The following FAM171A1 variants were observed in gnomAD, a reference collection of about 807,000 sequenced individuals.
FAM171A1 encodes family with sequence similarity 171 member A1.
A neutral mutation model predicts 74.9 loss-of-function variants in FAM171A1; 23 were observed. The ratio of observed to expected loss-of-function variants is 0.31; its 90% CI spans 0.22 to 0.44. FAM171A1 has a LOEUF of 0.44. Among genes scored for constraint, FAM171A1 ranks in the 20% least tolerant of loss-of-function variants. The pLI is 1.00. For missense variants in FAM171A1, 1,162 were observed against 1,159.2 expected, an observed-to-expected ratio of 1.00 and a Z score of -0.03; for synonymous variants, 527 against 505.7, an observed-to-expected ratio of 1.04 and a Z score of -0.57.
chr10:15,315,765 A>AG (rs1835414736), intron 1 of FAM171A1, among the ~76,000 whole-genome samples: 1 of 152,208 alleles, frequency 6.6e-6, no homozygotes, highest in Non-Finnish European at 1.5e-5. Flanking sequence ...TCAGGCCTTA[A>AG]GAAGCTCTGA....
chr10:15,287,563 T>C (rs1835052703), intron 1 of FAM171A1, among the ~76,000 whole-genome samples: 3 of 152,010 alleles, frequency 2.0e-5, no homozygotes, highest in Admixed American at 2.0e-4. Context: ...AATTTTTGTA[T>C]TTTTAGTAGA....
intron 3 of FAM171A1, among the ~76,000 whole-genome samples, chr10:15,275,107 T>C (rs1296544534): frequency 2.0e-5 from 3 of 151,622 alleles, no homozygotes; most frequent in African/African-American, 7.3e-5. Flanking sequence ...TGTCGTGGGG[T>C]TGGGGGAGTG....
intron 5 of FAM171A1, among the ~76,000 whole-genome samples, chr10:15,225,412 C>A (rs7921084): frequency 6.6e-6 from 1 of 151,964 alleles, no homozygotes; most frequent in Non-Finnish European, 1.5e-5. Context: ...ATGGCTAAAG[C>A]GTGACACTCT....
intron 1 of FAM171A1, among the ~76,000 whole-genome samples, chr10:15,353,020 C>G (rs1165910186): frequency 6.6e-6 from 1 of 152,228 alleles, no homozygotes; most frequent in Admixed American, 6.5e-5. Context: ...TAAAAGGGCG[C>G]TCTGTGCTCC....
intron 1 of FAM171A1, among the ~76,000 whole-genome samples, chr10:15,345,600 G>A (rs1050609045): frequency 1.3e-5 from 2 of 152,078 alleles, no homozygotes; most frequent in African/African-American, 4.8e-5. Context: ...TGGTCAGGAG[G>A]GAGGTCTGGA....
rs367691262 is a variant in FAM171A1 at position 15,213,815 on chromosome 10, G to A, written c.1773C>T (p.Pro591=). 3 of 1,614,130 alleles carry A rather than the reference G, an allele frequency of 1.9e-6. No homozygotes were observed. Among genetic ancestry groups the A allele is most frequent in the East Asian group, 2.2e-5 (1 of 44,882 alleles). The change falls in exon 8 of 8, where the codon CCC becomes CCT. Residue 591 remains proline, a synonymous_variant. Coordinates refer to ENST00000378116, the MANE Select transcript of FAM171A1 (RefSeq NM_001010924.2). The surrounding 1 kb of genome is among the most constrained non-coding windows in gnomAD (Gnocchi z 6.8). The stretch of plus-strand genomic sequence containing the variant: ...GCTGGCTGACATAGGAGTGGTCCCC[G>A]GGGAGTTTCATATAATGAGCCGGGA... ...LVIPAHYMKL[P]GDHSYVSQPL...
intron 1 of FAM171A1, among the ~76,000 whole-genome samples, chr10:15,348,038 C>G (rs1015353318): frequency 3.3e-5 from 5 of 152,040 alleles, no homozygotes; most frequent in Non-Finnish European, 7.4e-5. Flanking sequence ...AGTGCAATGG[C>G]ACCAACTCGG....
intron 5 of FAM171A1, among the ~76,000 whole-genome samples, chr10:15,226,195 T>C (rs778658631): frequency 7.9e-5 from 12 of 152,160 alleles, no homozygotes; most frequent in Non-Finnish European, 1.5e-4. Flanking sequence ...GCCGCACCAC[T>C]GCAGCTGCGC....
At chr10:15,303,020 CT>C (rs1835251353) in intron 1 of FAM171A1, among the ~76,000 whole-genome samples, 2 of 152,252 alleles carry the variant, frequency 1.3e-5, no homozygotes, top group African/African-American at 4.8e-5. Flanking sequence ...GAAACCCCGT[CT>C]CTACTAAAAA....
chr10:15,270,040 T>G (rs551245142), intron 3 of FAM171A1, among the ~76,000 whole-genome samples: 2 of 152,302 alleles, frequency 1.3e-5, no homozygotes, highest in East Asian at 3.9e-4. Context: ...TCACTGGGGC[T>G]TGTCGGACAG....
chr10:15,327,041 G>A (rs980823170), intron 1 of FAM171A1, among the ~76,000 whole-genome samples: 2 of 152,118 alleles, frequency 1.3e-5, no homozygotes, highest in Admixed American at 1.3e-4. Context: ...CCTCCCTCAA[G>A]TACTGATCAA....
intron 1 of FAM171A1, among the ~76,000 whole-genome samples, chr10:15,326,138 C>A (rs1835552231): frequency 1.3e-5 from 2 of 152,182 alleles, no homozygotes; most frequent in Admixed American, 1.3e-4. Context: ...ATTTTATGTT[C>A]CATTAATAAC....
At chr10:15,357,156 G>A (rs1487524872) in intron 1 of FAM171A1, among the ~76,000 whole-genome samples, 5 of 148,660 alleles carry the variant, frequency 3.4e-5, no homozygotes, top group African/African-American at 7.5e-5. Context: ...GGTGGCGGGC[G>A]CCTGTAATCC....
chr10:15,367,763 A>C (rs541281413), intron 1 of FAM171A1, among the ~76,000 whole-genome samples: 1 of 152,336 alleles, frequency 6.6e-6, no homozygotes, highest in Non-Finnish European at 1.5e-5. Context: ...TCATCGCAAA[A>C]CACCTTGCAC....
chr10:15,254,004 C>G (rs971089303), intron 4 of FAM171A1, among the ~76,000 whole-genome samples: 7 of 152,168 alleles, frequency 4.6e-5, no homozygotes, highest in African/African-American at 9.7e-5. Context: ...CTGTGGCATG[C>G]CAGAATAGTG....
intron 1 of FAM171A1, among the ~76,000 whole-genome samples, chr10:15,312,582 T>C (rs1835372618): frequency 6.9e-6 from 1 of 145,968 alleles, no homozygotes; most frequent in Non-Finnish European, 1.5e-5. Flanking sequence ...CTCACAGAGG[T>C]GCCCGGCTGC....
intron 1 of FAM171A1, among the ~76,000 whole-genome samples, chr10:15,305,510 A>G (rs1276874660): frequency 6.6e-6 from 1 of 151,986 alleles, no homozygotes. Context: ...TTTACATAAA[A>G]TTAAAAGCTT....
At chr10:15,295,513 T>G (rs939959642) in intron 1 of FAM171A1, among the ~76,000 whole-genome samples, 6 of 152,258 alleles carry the variant, frequency 3.9e-5, no homozygotes, top group Admixed American at 3.3e-4. Context: ...GTGGGCTCCA[T>G]TTTTTAAATT....
At chr10:15,244,782 G>T (rs2131751953) in intron 5 of FAM171A1, among the ~76,000 whole-genome samples, 1 of 152,246 alleles carries the variant, frequency 6.6e-6, no homozygotes, top group South Asian at 2.1e-4. Context: ...GGAGGGCACA[G>T]GGAGTAACTG....
Sources: allele counts gnomAD v4.1 joint callset (sites outside exome capture counted in the v4.1 genomes callset), GRCh38; gene constraint gnomAD v4.1.1; non-coding constraint Gnocchi (gnomAD v3.1); transcripts MANE v1.5; gene names NCBI Gene and HGNC (gene_info 2026-07-23, HGNC 2026-07-21).